The following AGAP1 variants were observed in gnomAD, a reference collection of about 807,000 sequenced individuals.
AGAP1 encodes ArfGAP with GTPase domain, ankyrin repeat and PH domain 1.
Under a neutral mutation model 105.3 loss-of-function variants are expected in AGAP1, and 29 were observed. The observed-to-expected ratio is 0.28, with a 90% CI of 0.21 to 0.38. The LOEUF is 0.38. Among genes scored for constraint, AGAP1 ranks in the 10% least tolerant of loss-of-function variants. The probability of loss-of-function intolerance (pLI) is 1.00; values close to 1 mark genes in which losing one functional copy is unlikely to be tolerated. For missense variants in AGAP1, 998 were observed against 1,165.1 expected (o/e 0.86, Z 2.09); for synonymous variants, 509 against 485.9 (o/e 1.05, Z -0.63).
chr2:235,687,199 A>G (rs1332449391), intron 1 of AGAP1, among the ~76,000 whole-genome samples: 2 of 152,196 alleles, frequency 1.3e-5, no homozygotes, highest in Non-Finnish European at 2.9e-5. Context: ...GAATCTGGGC[A>G]TTTGCTATCA....
chr2:235,710,910 T>A (rs996282155), intron 2 of AGAP1, among the ~76,000 whole-genome samples: 1 of 152,152 alleles, frequency 6.6e-6, no homozygotes, highest in African/African-American at 2.4e-5. Flanking sequence ...TCTAAGTGCT[T>A]TACAAAATTA....
rs1372866472 is a variant in AGAP1, at chr2:235,662,393, G to C, written c.164-46786G>C. The stretch of plus-strand genomic sequence containing the variant: ...GGTCTCACCTTCAGCCACACTCCTA[G>C]GGACAGAGTGCGTCCATGGAGGGGA... On this transcript the variant is annotated intron_variant, in intron 1 of 17. Transcript: ENST00000304032. The surrounding 1 kb of genome is among the most constrained non-coding windows in gnomAD (Gnocchi z 4.2). Among the ~76,000 whole-genome samples, 1 of 152,210 alleles carries C rather than the reference G, an allele frequency of 6.6e-6. No individual in the cohort carries two copies. Among genetic ancestry groups the C allele is most frequent in the African/African-American group, 2.4e-5 (1 of 41,438 alleles).
intron 1 of AGAP1, among the ~76,000 whole-genome samples, chr2:235,533,290 T>C (rs1283077992): frequency 6.6e-6 from 1 of 152,206 alleles, no homozygotes; most frequent in Non-Finnish European, 1.5e-5. Context: ...TTTAAAAAAT[T>C]AATGAAGATA....
intron 1 of AGAP1, among the ~76,000 whole-genome samples, chr2:235,558,570 A>G (rs1944046688): frequency 6.6e-6 from 1 of 152,154 alleles, no homozygotes; most frequent in South Asian, 2.1e-4. Context: ...AGCCTTCAGG[A>G]GAAATAAAAA....
At chr2:235,819,699 C>G (rs973437044) in intron 9 of AGAP1, among the ~76,000 whole-genome samples, 7 of 152,052 alleles carry the variant, frequency 4.6e-5, no homozygotes, top group Admixed American at 3.3e-4. Context: ...GGATCTTGCT[C>G]TCTATCTTCC....
chr2:235,629,768 C>T (rs1363260152), intron 1 of AGAP1, among the ~76,000 whole-genome samples: 2 of 150,416 alleles, frequency 1.3e-5, no homozygotes, highest in Admixed American at 6.7e-5. Flanking sequence ...GTCCCAGCCC[C>T]TCTGGAGGAT....
rs571549883 is a variant in AGAP1 at position 235,690,401 on chromosome 2, A to T, written c.164-18778A>T. On this transcript the variant is annotated intron_variant, in intron 1 of 17. Coordinates refer to ENST00000304032, the MANE Select transcript of AGAP1 (RefSeq NM_001037131.3). The surrounding 1 kb of genome is among the most constrained non-coding windows in gnomAD (Gnocchi z 4.1). ...GCTCTTCAGGTTAAATTGTGTTTCA[A>T]AGGCAGAGCTCACATTGGAGCACTT... is the stretch of plus-strand genomic sequence containing the variant. 1.7e-4 allele frequency among the ~76,000 whole-genome samples: 26 copies of T among 152,258 alleles called. No individual in the cohort carries two copies. Among genetic ancestry groups the T allele is most frequent in the Non-Finnish European group, 3.2e-4 (22 of 68,016 alleles).
rs183069288 is a variant in AGAP1 at position 236,089,654 on chromosome 2, C to G, written c.2115-30538C>G. The stretch of plus-strand genomic sequence containing the variant: ...GGGAGGTTGTTTAACCAGAAAGGCC[C>G]TCTGCAAATTTCTGATTCCTGTACA... On this transcript the variant is annotated intron_variant, in intron 16 of 17. Coordinates refer to ENST00000304032, the MANE Select transcript of AGAP1 (RefSeq NM_001037131.3). The surrounding 1 kb of genome is among the most constrained non-coding windows in gnomAD (Gnocchi z 5.6). 6.6e-6 allele frequency among the ~76,000 whole-genome samples: 1 copy of G among 152,158 alleles called. No individual in the cohort carries two copies. The highest frequency in any genetic ancestry group is 1.5e-5 in the Non-Finnish European group (1 of 68,028).
intron 1 of AGAP1, among the ~76,000 whole-genome samples, chr2:235,677,126 G>A (rs12469670): frequency 0.26 from 40,184 of 152,086 alleles, 5,862 homozygotes; most frequent in East Asian, 0.43. Flanking sequence ...CTCTTCTCCT[G>A]TGAAGACATG....
At chr2:235,702,632 T>A (rs934962165) in intron 1 of AGAP1, among the ~76,000 whole-genome samples, 1 of 152,216 alleles carries the variant, frequency 6.6e-6, no homozygotes, top group African/African-American at 2.4e-5. Flanking sequence ...GGTAGTCATA[T>A]CACATGGATG....
rs990933678 is a variant in AGAP1 at position 235,830,159 on chromosome 2, G to A, written c.1050+22828G>A. Among the ~76,000 whole-genome samples the A allele has an allele frequency of 1.3e-5, 2 of 152,044 alleles. No homozygotes were observed. The highest frequency in any genetic ancestry group is 2.9e-5 in the Non-Finnish European group (2 of 67,998). On this transcript the variant is annotated intron_variant, in intron 9 of 17. Transcript: ENST00000304032. This position sits in a 1 kb window ranked among gnomAD's most constrained non-coding sequence, Gnocchi z 5.5. ...TGCCAAGGCAAGGCCACCGTGATCC[G>A]AGACTGGGAGGCCCAGAAAAGATGC...
chr2:236,122,327 C>T (rs924175976), intron 17 of AGAP1, among the ~76,000 whole-genome samples: 5 of 152,104 alleles, frequency 3.3e-5, no homozygotes, highest in Admixed American at 2.0e-4. Flanking sequence ...GGCTCTGTCT[C>T]CAAATACAGT....
At chr2:235,759,876 GC>G (rs1954290377) in intron 6 of AGAP1, among the ~76,000 whole-genome samples, 1 of 151,982 alleles carries the variant, frequency 6.6e-6, no homozygotes, top group Admixed American at 6.6e-5. Flanking sequence ...CTAAAATAAA[GC>G]TTTTTGTATA....
chr2:235,575,706 G>A (rs1476152581), intron 1 of AGAP1, among the ~76,000 whole-genome samples: 1 of 152,218 alleles, frequency 6.6e-6, no homozygotes, highest in African/African-American at 2.4e-5. Context: ...GAACGCACAG[G>A]TTTGCATGCC....
chr2:235,754,807 C>T lies in AGAP1; in HGVS notation c.673+4319C>T, dbSNP rs923818659. ...GCAGATTGGGAAGCGCAGGCAGGGT[C>T]CCTTCCTCCGTGAAGTTAAGGTCCA... is the stretch of plus-strand genomic sequence containing the variant. On this transcript the variant is annotated intron_variant, in intron 6 of 17. Transcript: ENST00000304032. The surrounding 1 kb of genome is among the most constrained non-coding windows in gnomAD (Gnocchi z 4.6). Among the ~76,000 whole-genome samples, 3 of 152,194 alleles carry T rather than the reference C, an allele frequency of 2.0e-5. No individual in the cohort carries two copies. Among genetic ancestry groups the T allele is most frequent in the African/African-American group, 7.2e-5 (3 of 41,438 alleles).
At chr2:235,763,516 T>G (rs1575377873) in intron 6 of AGAP1, among the ~76,000 whole-genome samples, 1 of 152,272 alleles carries the variant, frequency 6.6e-6, no homozygotes, top group East Asian at 1.9e-4. Context: ...TGGTTTTCTT[T>G]ACTGAAAGCT....
intron 11 of AGAP1, among the ~76,000 whole-genome samples, chr2:235,929,843 G>A (rs2052636243): frequency 6.6e-6 from 1 of 152,148 alleles, no homozygotes; most frequent in Non-Finnish European, 1.5e-5. Context: ...TGCTAATATG[G>A]GCTGCGTATT....
Position 236,042,241 on chromosome 2 carries a change from G to T in AGAP1, c.1891+1400G>T, listed in dbSNP as rs1452346383. ...GCCGGGAAGGGAGACAGGAGCCCAGGACTGCTCCAGACAAAAGGGAAAGGA... is the reference window on the plus strand; with the variant it reads ...GCCGGGAAGGGAGACAGGAGCCCAGTACTGCTCCAGACAAAAGGGAAAGGA... On this transcript the variant is annotated intron_variant, in intron 15 of 17. Coordinates refer to ENST00000304032, the MANE Select transcript of AGAP1 (RefSeq NM_001037131.3). The surrounding 1 kb of genome is among the most constrained non-coding windows in gnomAD (Gnocchi z 5.6). Among the ~76,000 whole-genome samples, 1 of 152,046 alleles carries T rather than the reference G, an allele frequency of 6.6e-6. No individual in the cohort carries two copies. Among genetic ancestry groups the T allele is most frequent in the African/African-American group, 2.4e-5 (1 of 41,412 alleles).
chr2:235,598,332 C>G (rs969161220), intron 1 of AGAP1, among the ~76,000 whole-genome samples: 1 of 152,132 alleles, frequency 6.6e-6, no homozygotes, highest in African/African-American at 2.4e-5. Flanking sequence ...AATTATCTTA[C>G]TTATTTTTAC....
Sources: allele counts gnomAD v4.1 joint callset (sites outside exome capture counted in the v4.1 genomes callset), GRCh38; gene constraint gnomAD v4.1.1; non-coding constraint Gnocchi (gnomAD v3.1); transcripts MANE v1.5; gene names NCBI Gene and HGNC (gene_info 2026-07-23, HGNC 2026-07-21).